The following KALRN variants were observed in gnomAD, a reference collection of about 807,000 sequenced individuals.
The protein encoded by KALRN is kalirin RhoGEF kinase.
KALRN carries 70 observed loss-of-function variants against 353.7 expected under a neutral mutation model. The ratio of observed to expected loss-of-function variants is 0.20; its 90% confidence interval spans 0.16 to 0.24. The LOEUF (loss-of-function observed/expected upper bound fraction) is 0.24. Ranked by LOEUF, KALRN falls within the 10% of genes least tolerant of loss-of-function variation. KALRN has a pLI of 1.00. For synonymous variants in KALRN, 1,391 were observed against 1,434.8 expected, an observed-to-expected ratio of 0.97 and a Z score of 0.69; for missense variants, 2,791 against 3,756.7, an observed-to-expected ratio of 0.74 and a Z score of 6.72.
intron 23 of KALRN, among the ~76,000 whole-genome samples, chr3:124,458,890 C>T (rs1441207568): frequency 6.6e-6 from 1 of 152,132 alleles, no homozygotes; most frequent in Admixed American, 6.5e-5. Context: ...GCCAAAATTG[C>T]TCCACTGCAC....
chr3:124,149,922 C>T (rs1157116859), intron 1 of KALRN, among the ~76,000 whole-genome samples: 1 of 152,170 alleles, frequency 6.6e-6, no homozygotes, highest in East Asian at 1.9e-4. Flanking sequence ...TCTGTGGCCT[C>T]CTCTTTTCCC....
At chr3:124,452,492 C>G (rs753428296) in intron 21 of KALRN, among the ~76,000 whole-genome samples, 1 of 152,146 alleles carries the variant, frequency 6.6e-6, no homozygotes, top group Non-Finnish European at 1.5e-5. Context: ...TGTGGGAACA[C>G]TGGGAAGGCA....
chr3:124,043,663 A>C (rs187890624), intron 1 of KALRN, among the ~76,000 whole-genome samples: 145 of 152,242 alleles, frequency 9.5e-4, no homozygotes, highest in Admixed American at 2.0e-3. Context: ...AGGGTAGTAC[A>C]AGCTGAGGCA....
chr3:124,297,433 TG>T (rs2076931610), intron 5 of KALRN, among the ~76,000 whole-genome samples: 1 of 152,230 alleles, frequency 6.6e-6, no homozygotes, highest in Non-Finnish European at 1.5e-5. Flanking sequence ...CATTGTTTTT[TG>T]GTCCCTAGCA....
At chr3:124,392,891 C>CTCGT (rs1399191840) in intron 11 of KALRN, among the ~76,000 whole-genome samples, 4 of 151,320 alleles carry the variant, frequency 2.6e-5, no homozygotes, top group Admixed American at 2.6e-4. Flanking sequence ...CACCCACTAA[C>CTCGT]TCGTTATCTA....
chr3:124,706,071 T>C (rs1184231496), intron 57 of KALRN, among the ~76,000 whole-genome samples: 2 of 152,066 alleles, frequency 1.3e-5, no homozygotes, highest in Non-Finnish European at 2.9e-5. Flanking sequence ...TATGCCCAGC[T>C]AACTTTTTAA....
intron 1 of KALRN, among the ~76,000 whole-genome samples, chr3:124,127,864 A>G (rs561259037): frequency 6.6e-6 from 1 of 152,338 alleles, no homozygotes; most frequent in South Asian, 2.1e-4. Flanking sequence ...AGTTATTACT[A>G]TCACACAGTC....
intron 1 of KALRN, among the ~76,000 whole-genome samples, chr3:124,183,284 G>A (rs1302450554): frequency 1.3e-5 from 2 of 152,158 alleles, no homozygotes; most frequent in East Asian, 3.8e-4. Context: ...TGGTTCTGCA[G>A]GCTGTATAGG....
intron 13 of KALRN, 119 bp from the exon 14 acceptor site, chr3:124,413,351 C>A: frequency 1.2e-6 from 1 of 811,592 alleles, no homozygotes; most frequent in East Asian, 2.7e-5. Flanking sequence ...TGAAGAATTC[C>A]AAAGCAGAGA....
chr3:124,373,769 A>G (rs2086195501), intron 10 of KALRN, among the ~76,000 whole-genome samples: 4 of 152,146 alleles, frequency 2.6e-5, no homozygotes, highest in African/African-American at 7.2e-5. Context: ...GTATGATCTC[A>G]TCTTAACTAA....
In KALRN at chr3:124,409,269, A is replaced by G. The variant is rs189597588; in HGVS notation, c.2347-4201A>G. ...ATGCCCTCTGGGAACCTTGTGTTCCATCTTTCATTCACTGGCTTCAGGCCC... is the reference window on the plus strand; with the variant it reads ...ATGCCCTCTGGGAACCTTGTGTTCCGTCTTTCATTCACTGGCTTCAGGCCC... On this transcript the variant is annotated intron_variant, in intron 13 of 59. Transcript: ENST00000682506. 5.3e-5 allele frequency among the ~76,000 whole-genome samples: 8 copies of G among 152,346 alleles called. No individual in the cohort carries two copies. The East Asian group carries it at 1.2e-3, about 22-fold the overall frequency.
At chr3:124,045,998 T>C (rs999115885) in intron 1 of KALRN, among the ~76,000 whole-genome samples, 3 of 152,154 alleles carry the variant, frequency 2.0e-5, no homozygotes, top group Non-Finnish European at 4.4e-5. Flanking sequence ...AAGATGGTAA[T>C]CAAAAGGACA....
chr3:124,106,915 G>A (rs2062368513), intron 1 of KALRN, among the ~76,000 whole-genome samples: 1 of 152,156 alleles, frequency 6.6e-6, no homozygotes, highest in African/African-American at 2.4e-5. Context: ...AGCTTTTAAA[G>A]GCTCCAGGCA....
At chr3:124,442,880 G>A (rs944089647) in intron 19 of KALRN, among the ~76,000 whole-genome samples, 2 of 151,846 alleles carry the variant, frequency 1.3e-5, no homozygotes, top group Non-Finnish European at 2.9e-5. Flanking sequence ...TTATTCAGGA[G>A]GCCGAGATGG....
chr3:124,696,401 G>T (rs1348842455), intron 54 of KALRN, 146 bp downstream of exon 54: 6 of 588,138 alleles, frequency 1.0e-5, no homozygotes, highest in Non-Finnish European at 1.4e-5. Flanking sequence ...CTCCCGATTA[G>T]CTGGACATGC....
chr3:124,419,062 A>C (rs2092655516), intron 14 of KALRN, among the ~76,000 whole-genome samples: 1 of 151,688 alleles, frequency 6.6e-6, no homozygotes, highest in Non-Finnish European at 1.5e-5. Context: ...ACACAGCGAA[A>C]CTCAGTCTAA....
At chr3:124,240,670 C>T (rs779503356) in intron 3 of KALRN, among the ~76,000 whole-genome samples, 2 of 151,940 alleles carry the variant, frequency 1.3e-5, no homozygotes, top group Non-Finnish European at 2.9e-5. Context: ...ACAGGGGAGC[C>T]CATTGATGTA....
At chr3:124,674,635 C>A in intron 49 of KALRN, 21 bp downstream of exon 49, 1 of 1,554,696 alleles carries the variant, frequency 6.4e-7, no homozygotes. Context: ...CGTTGGCTTC[C>A]CCGGGAGAGG....
rs952205885 is a variant in KALRN at position 124,479,699 on chromosome 3, C to A, written c.4191+2365C>A. On this transcript the variant is annotated intron_variant, in intron 27 of 59. Coordinates refer to ENST00000682506, the MANE Select transcript of KALRN (RefSeq NM_001388419.1). ...AATTAAAGTCCTAGAAAGGCTTACA[C>A]ATTCACACGATCCAGAATTTTTTTT... 1.2e-4 allele frequency among the ~76,000 whole-genome samples: 18 copies of A among 149,934 alleles called. No individual in the cohort carries two copies. The Admixed American group carries it at 1.2e-3, about 10-fold the overall frequency.
Sources: allele counts gnomAD v4.1 joint callset (sites outside exome capture counted in the v4.1 genomes callset), GRCh38; gene constraint gnomAD v4.1.1; transcripts MANE v1.5; gene names NCBI Gene and HGNC (gene_info 2026-07-23, HGNC 2026-07-21).